Variants in DTNB observed in about 807,000 individuals in gnomAD.
DTNB encodes DTN-B.
DTNB carries 63 observed loss-of-function variants against 90.7 expected under a neutral mutation model. That is an observed-to-expected ratio of 0.69 (90% CI 0.57 to 0.86). The LOEUF is 0.86. DTNB is among the 40% of genes least tolerant of loss of function. DTNB has a pLI of 0.00. For missense variants in DTNB, 744 were observed against 807.1 expected, an observed-to-expected ratio of 0.92 and a Z score of 0.95; for synonymous variants, 277 against 286.7, an observed-to-expected ratio of 0.97 and a Z score of 0.34.
intron 5 of DTNB, among the ~76,000 whole-genome samples, chr2:25,603,562 A>G (rs553900404): frequency 3.9e-5 from 6 of 152,342 alleles, no homozygotes; most frequent in African/African-American, 1.2e-4. Flanking sequence ...TTCAAATGCT[A>G]TCTTGATACT....
intron 9 of DTNB, among the ~76,000 whole-genome samples, chr2:25,485,336 C>G (rs1221842082): frequency 6.6e-6 from 1 of 152,066 alleles, no homozygotes; most frequent in Non-Finnish European, 1.5e-5. Context: ...TTAAAGATAT[C>G]ACTGCATTCA....
intron 9 of DTNB, among the ~76,000 whole-genome samples, chr2:25,529,609 C>G (rs2150898781): frequency 6.6e-6 from 1 of 151,936 alleles, no homozygotes; most frequent in East Asian, 1.9e-4. Flanking sequence ...CAATGAGAAA[C>G]CGCAGGAAAA....
intron 1 of DTNB, among the ~76,000 whole-genome samples, chr2:25,670,381 G>GT (rs978468932): frequency 3.3e-5 from 5 of 150,932 alleles, no homozygotes; most frequent in African/African-American, 1.2e-4. Flanking sequence ...ACTGTTTTGA[G>GT]TATCAGATGA....
At chr2:25,555,804 T>G (rs2057241521) in intron 8 of DTNB, among the ~76,000 whole-genome samples, 1 of 151,994 alleles carries the variant, frequency 6.6e-6, no homozygotes, top group Non-Finnish European at 1.5e-5. Flanking sequence ...TCACCTGAGA[T>G]CAGGAATTCA....
intron 8 of DTNB, among the ~76,000 whole-genome samples, chr2:25,532,990 T>C (rs1210284070): frequency 6.6e-6 from 1 of 152,200 alleles, no homozygotes; most frequent in African/African-American, 2.4e-5. Flanking sequence ...GTATATTGGC[T>C]CCAAATCACC....
chr2:25,422,395 C>CTT lies in DTNB; in HGVS notation c.1555-2862_1555-2861dup, dbSNP rs146697158. The stretch of plus-strand genomic sequence containing the variant: ...ATGTAAATGAGTTTCCTTTTCTCTT[C>CTT]TTTTTTTTTTTTTTTTTTTTTTTTT... On this transcript the variant is annotated intron_variant, in intron 15 of 20. Coordinates refer to ENST00000406818, the MANE Select transcript of DTNB (RefSeq NM_021907.5). Among the ~76,000 whole-genome samples the CTT allele has an allele frequency of 8.3e-4, 69 of 82,946 alleles. 2 individuals are homozygous for CTT. Among genetic ancestry groups the CTT allele is most frequent in the African/African-American group, 1.2e-3 (23 of 19,830 alleles). 54.4% of individuals were successfully genotyped at this position (82,946 alleles called of 152,430 possible). A position where few individuals can be genotyped will look rare whatever the true frequency, so the allele number is the denominator to read the frequency against.
At chr2:25,607,349 T>C (rs753395286) in intron 4 of DTNB, 28 bp from the exon 5 acceptor site, 17 of 1,562,158 alleles carry the variant, frequency 1.1e-5, no homozygotes, top group Admixed American at 7.6e-5. Context: ...TTAGAAATAA[T>C]TGCTATCTGA....
At chr2:25,524,329 A>G (rs2076695275) in intron 9 of DTNB, among the ~76,000 whole-genome samples, 1 of 152,038 alleles carries the variant, frequency 6.6e-6, no homozygotes, top group Non-Finnish European at 1.5e-5. Context: ...GATCCTCAAA[A>G]GTTATCTAGT....
chr2:25,542,024 A>G (rs1313677348), intron 8 of DTNB, among the ~76,000 whole-genome samples: 3 of 152,226 alleles, frequency 2.0e-5, no homozygotes, highest in African/African-American at 7.2e-5. Flanking sequence ...TTTTACAAAT[A>G]CTTTACATTA....
At chr2:25,603,166 G>C (rs181198655) in intron 5 of DTNB, among the ~76,000 whole-genome samples, 110 of 152,238 alleles carry the variant, frequency 7.2e-4, no homozygotes, top group African/African-American at 2.6e-3. Flanking sequence ...GATGCAATTT[G>C]AATAAGGAGA....
chr2:25,377,258 TTC>T lies in DTNB; in HGVS notation c.*323_*324del, dbSNP rs2149472404. The T allele has an allele frequency of 6.5e-6, 1 of 153,064 alleles. No homozygotes were observed. Among genetic ancestry groups the T allele is most frequent in the Non-Finnish European group, 1.5e-5 (1 of 68,144 alleles). The allele number at this position is 153,064 out of a possible 1,614,324, so 9.5% of individuals were successfully genotyped here. A position where few individuals can be genotyped will look rare whatever the true frequency, so the allele number is the denominator to read the frequency against. On this transcript the variant is annotated 3_prime_UTR_variant, in exon 21 of 21. Transcript: ENST00000406818. ...ACACAAGAGCTTGGTGCTTTTTCTT[TTC>T]TCTTTTCAACCTCCAGGTGAATTCC...
At chr2:25,419,856 C>T (rs1558443748) in intron 15 of DTNB, among the ~76,000 whole-genome samples, 1 of 152,190 alleles carries the variant, frequency 6.6e-6, no homozygotes, top group Non-Finnish European at 1.5e-5. Flanking sequence ...GTTCACATAG[C>T]TATTTAGGGG....
chr2:25,502,513 G>A (rs1177842407), intron 9 of DTNB, among the ~76,000 whole-genome samples: 3 of 151,712 alleles, frequency 2.0e-5, no homozygotes, highest in Non-Finnish European at 4.4e-5. Flanking sequence ...CAGGAAGATC[G>A]CGAGGATCAC....
chr2:25,469,279 C>T (rs1012748360), intron 10 of DTNB, among the ~76,000 whole-genome samples: 6 of 151,904 alleles, frequency 3.9e-5, no homozygotes, highest in African/African-American at 9.7e-5. Flanking sequence ...AAGAGGGTGC[C>T]GGGCAGAGGG....
intron 5 of DTNB, among the ~76,000 whole-genome samples, chr2:25,600,808 A>G (rs2065719435): frequency 1.3e-5 from 2 of 152,238 alleles, no homozygotes; most frequent in South Asian, 4.1e-4. Context: ...AAAATGACTA[A>G]CCACTCCCAC....
chr2:25,518,406 T>C (rs1173693659), intron 9 of DTNB, among the ~76,000 whole-genome samples: 2 of 152,150 alleles, frequency 1.3e-5, no homozygotes, highest in African/African-American at 4.8e-5. Context: ...GCTTGATGGT[T>C]CTGAGTTTTG....
intron 16 of DTNB, among the ~76,000 whole-genome samples, chr2:25,392,451 A>G (rs139916497): frequency 2.6e-4 from 39 of 152,310 alleles, no homozygotes; most frequent in African/African-American, 8.7e-4. Context: ...AGTGAATGAA[A>G]CCAAAAGCTG....
rs150172049 is a variant in DTNB, at chr2:25,410,385, G to A, written c.1575+9130C>T. Among the ~76,000 whole-genome samples, 20 of 152,136 alleles carry A rather than the reference G, an allele frequency of 1.3e-4. No homozygotes were observed. The East Asian group carries it at 2.5e-3, about 19-fold the overall frequency. ...AAAGCTACTTTTCTCTTGTATCCTC[G>A]GACTCTTGTTAGGTGCTCAGGGAGT... On this transcript the variant is annotated intron_variant, in intron 16 of 20. Coordinates refer to ENST00000406818, the MANE Select transcript of DTNB (RefSeq NM_021907.5).
At chr2:25,647,698 T>C (rs1179367333) in intron 2 of DTNB, among the ~76,000 whole-genome samples, 6 of 151,998 alleles carry the variant, frequency 3.9e-5, no homozygotes, top group Non-Finnish European at 2.9e-5. Flanking sequence ...AACAGAGCAA[T>C]ACCCTGTCTC....
Sources: gnomAD v4.1 joint callset for allele counts (sites outside exome capture counted in the v4.1 genomes callset) on GRCh38, gnomAD v4.1.1 for gene constraint, MANE v1.5 for transcripts, NCBI Gene and HGNC (gene_info 2026-07-23, HGNC 2026-07-21) for gene names.